YIPF3: variants seen among roughly 807,000 people sequenced by gnomAD.
YIPF3 encodes the protein protein YIPF3.
In YIPF3, 18 loss-of-function variants were observed where a neutral mutation model predicts 40.3. That is an observed-to-expected ratio of 0.45 (90% CI 0.31 to 0.66). The LOEUF (loss-of-function observed/expected upper bound fraction) is 0.66, where lower values mean the gene tolerates loss of function less well. Among genes scored for constraint, YIPF3 ranks in the 30% least tolerant of loss-of-function variants. The pLI, the probability that YIPF3 is intolerant of heterozygous loss-of-function variation, is 0.07. For missense variants in YIPF3, 406 were observed against 452.2 expected (o/e 0.90, Z 0.93); for synonymous variants, 190 against 179.6 (o/e 1.06, Z -0.46).
chr6:43,512,305 G>C lies in YIPF3; in HGVS notation c.915C>G (p.Asp305Glu), dbSNP rs1434184012. The change falls in exon 9 of 9, where the codon GAC becomes GAG. Residue 305 changes from aspartate to glutamate, a missense_variant. Asp to Glu is a conservative substitution (Grantham distance 45). Transcript: ENST00000372422. ...GCGGGATGTTGGGGCCCTCCAGTGT[G>C]TCCAGGATCCCTGGAAGGAAGATGG... ...AYHKVVEGILDTLEGPNIPPI... is the reference protein window; with the variant it reads ...AYHKVVEGILETLEGPNIPPI... 1.2e-6 allele frequency: 2 copies of C among 1,610,446 alleles called. No homozygotes were observed. Among genetic ancestry groups the C allele is most frequent in the East Asian group, 2.2e-5 (1 of 44,856 alleles).
At chr6:43,514,230 G>C (rs1250667223) in intron 3 of YIPF3, among the ~76,000 whole-genome samples, 1 of 152,080 alleles carries the variant, frequency 6.6e-6, no homozygotes, top group Non-Finnish European at 1.5e-5. Context: ...GACAGAGTGC[G>C]ACTCCATCTC....
In YIPF3 at chr6:43,512,078, A is replaced by G; in HGVS notation, c.*89T>C. On this transcript the variant is annotated 3_prime_UTR_variant, in exon 9 of 9. Transcript: ENST00000372422. ...TCAGTGGCAGCTGCAAACCCCATCT[A>G]CGAAACATGTCATCAGGACTGTCCT... 7 of 1,567,724 alleles carry G rather than the reference A, an allele frequency of 4.5e-6. 1 individual carries two copies. The South Asian group carries it at 8.3e-5, about 19-fold the overall frequency.
chr6:43,514,686 C>T (rs76981739), intron 3 of YIPF3, among the ~76,000 whole-genome samples: 3,907 of 152,254 alleles, frequency 0.026, 153 homozygotes, highest in African/African-American at 0.086. Context: ...GAACCAGATA[C>T]GATTAGTTTA....
intron 3 of YIPF3, chr6:43,515,140 G>C: frequency 8.1e-6 from 3 of 371,988 alleles, no homozygotes; most frequent in Non-Finnish European, 1.6e-5. Flanking sequence ...CTGGGACTAC[G>C]GGCACCCGCC....
intron 2 of YIPF3, 28 bp downstream of exon 2, chr6:43,515,861 T>C: frequency 6.3e-7 from 1 of 1,583,954 alleles, no homozygotes; most frequent in Non-Finnish European, 8.6e-7. Context: ...TCTACTTTTC[T>C]ACCTGCAGAG....
At position 43,516,707 on chromosome 6, in the gene YIPF3, T is replaced by C; in HGVS notation, c.81+20A>G. The C allele has an allele frequency of 6.2e-7, 1 of 1,612,020 alleles. No individual in the cohort carries two copies. Among genetic ancestry groups the C allele is most frequent in the South Asian group, 1.1e-5 (1 of 90,990 alleles). On this transcript the variant is annotated intron_variant, in intron 1 of 8. Transcript: ENST00000372422. ...CGCCGGCCCTCCGGCTGCTGGCAGC[T>C]GGTGCCTTGGGGCCATTACCTGGAT...
chr6:43,515,119 C>T (rs1164316722), intron 3 of YIPF3: 3 of 359,646 alleles, frequency 8.3e-6, no homozygotes, highest in Non-Finnish European at 1.6e-5. Context: ...CTGCCTCAGC[C>T]TCCCGAGTAG....
chr6:43,514,615 TAGAA>T (rs1561853504), intron 3 of YIPF3, among the ~76,000 whole-genome samples: 1 of 152,154 alleles, frequency 6.6e-6, no homozygotes, highest in Non-Finnish European at 1.5e-5. Context: ...TGCCCCATCA[TAGAA>T]TGAGTACTGT....
chr6:43,512,609 G>C, intron 7 of YIPF3, 46 bp from the exon 8 acceptor site: 1 of 1,577,738 alleles, frequency 6.3e-7, no homozygotes, highest in Admixed American at 1.8e-5. Flanking sequence ...TCCAAAGTGA[G>C]GAGTGGGGAC....
Position 43,515,613 on chromosome 6 carries a change from G to T in YIPF3, c.377C>A (p.Pro126His), listed in dbSNP as rs1177930972. ...TCCTCACCTGCTTCGCACCTGAGCA[G>T]GCTCCACATCAAAGTAGGGTCTGAG... The part of the protein sequence containing the change: ...DILRPYFDVE[P>H]AQVRSRLLES... Residue 126 changes from proline to histidine, a missense_variant, in exon 3 of 9, where the codon CCT becomes CAT. Transcript: ENST00000372422. 1 of 1,613,524 alleles carries T rather than the reference G, an allele frequency of 6.2e-7. No individual in the cohort carries two copies. The highest frequency in any genetic ancestry group is 1.7e-5 in the Admixed American group (1 of 60,012).
intron 7 of YIPF3, 47 bp downstream of exon 7, chr6:43,512,714 C>A (rs1252574659): frequency 1.3e-6 from 2 of 1,589,214 alleles, no homozygotes; most frequent in South Asian, 2.3e-5. Context: ...TCTTCCCCAA[C>A]TCCCTGGGAG....
At chr6:43,512,618 AC>A in intron 7 of YIPF3, 55 bp from the exon 8 acceptor site, 1 of 1,566,532 alleles carries the variant, frequency 6.4e-7, no homozygotes, top group Non-Finnish European at 8.7e-7. Context: ...AGGAGTGGGG[AC>A]AAGACACCCC....
At chr6:43,512,668 T>G in intron 7 of YIPF3, 93 bp downstream of exon 7, 1 of 1,546,572 alleles carries the variant, frequency 6.5e-7, no homozygotes, top group Non-Finnish European at 8.7e-7. Flanking sequence ...TTCCCTCCCA[T>G]TTAGGGCTCT....
chr6:43,515,063 G>A, intron 3 of YIPF3: 1 of 323,496 alleles, frequency 3.1e-6, no homozygotes, highest in African/African-American at 2.2e-5. Flanking sequence ...CACGATCTCG[G>A]CTCACTGCAA....
At position 43,511,979 on chromosome 6, in the gene YIPF3, T is replaced by G. The variant is rs1561851967; in HGVS notation, c.*188A>C. On this transcript the variant is annotated 3_prime_UTR_variant, in exon 9 of 9. Transcript: ENST00000372422. ...CATTGGCTGCAGAGCCTTGCAGTCC[T>G]GGCCAGGAGTTCTTGGCCTTGTGCC... 1 of 911,128 alleles carries G rather than the reference T, an allele frequency of 1.1e-6. No individual in the cohort carries two copies. The highest frequency in any genetic ancestry group is 1.6e-6 in the Non-Finnish European group (1 of 618,212). 56.4% of individuals were successfully genotyped at this position (911,128 alleles called of 1,614,324 possible).
chr6:43,514,690 T>C (rs1442485513), intron 3 of YIPF3, among the ~76,000 whole-genome samples: 2 of 152,200 alleles, frequency 1.3e-5, no homozygotes, highest in Non-Finnish European at 2.9e-5. Context: ...CAGATACGAT[T>C]AGTTTAGCGT....
In YIPF3 at chr6:43,513,162, G is replaced by C. The variant is rs1203905850; in HGVS notation, c.573C>G (p.Cys191Trp). 1 of 1,614,110 alleles carries C rather than the reference G, an allele frequency of 6.2e-7. No individual in the cohort carries two copies. The highest frequency in any genetic ancestry group is 8.5e-7 in the Non-Finnish European group (1 of 1,180,044). Reference sequence around the variant, plus strand: ...ATGAGACTCCCAGCCAGTAGCCGAAGCAGGTGCCAATGGCTGTGCCCATCA... The same window carrying C: ...ATGAGACTCCCAGCCAGTAGCCGAACCAGGTGCCAATGGCTGTGCCCATCA... ...GTLMGTAIGTCFGYWLGVSSF... is the reference protein window; with the variant it reads ...GTLMGTAIGTWFGYWLGVSSF... Residue 191 changes from cysteine to tryptophan, a missense_variant, in exon 6 of 9, where the codon TGC becomes TGG. Cys to Trp is a radical substitution (Grantham distance 215). Coordinates refer to ENST00000372422, the MANE Select transcript of YIPF3 (RefSeq NM_015388.4).
rs1792810887 is a variant in YIPF3 at position 43,515,965 on chromosome 6, G to T, written c.212C>A (p.Ala71Asp). Residue 71 changes from alanine to aspartate, a missense_variant, in exon 2 of 9, where the codon GCT (alanine) becomes GAT (aspartate). By Grantham distance (126) the Ala-to-Asp change is moderately radical (BLOSUM62 -2). Transcript: ENST00000372422. ...EVDADAADAA[A>D]AEEEDGEFLG... ...GAACTCTCCATCCTCCTCTTCAGCA[G>T]CAGCTGCATCAGCTGCATCAGCGTC... The T allele has an allele frequency of 1.9e-6, 3 of 1,613,948 alleles. No individual in the cohort carries two copies. The highest frequency in any genetic ancestry group is 2.5e-6 in the Non-Finnish European group (3 of 1,179,990).
At chr6:43,516,407 T>G in intron 1 of YIPF3, 1 of 634,564 alleles carries the variant, frequency 1.6e-6, no homozygotes, top group Non-Finnish European at 2.6e-6. Flanking sequence ...ACTATACACA[T>G]AGTATGTTTT....
Sources: allele counts gnomAD v4.1 joint callset (sites outside exome capture counted in the v4.1 genomes callset), GRCh38; gene constraint gnomAD v4.1.1; transcripts MANE v1.5; gene names NCBI Gene and HGNC (gene_info 2026-07-23, HGNC 2026-07-21).